NBEAL1: variants seen among roughly 807,000 people sequenced by gnomAD.
NBEAL1 encodes neurobeachin like 1, also known as neurobeachin-like protein 1.
NBEAL1 carries 273 observed loss-of-function variants against 351.3 expected under a neutral mutation model. The ratio of observed to expected loss-of-function variants is 0.78; its 90% confidence interval spans 0.70 to 0.86. NBEAL1 has a LOEUF of 0.86. Ranked by LOEUF, NBEAL1 falls within the 40% of genes least tolerant of loss-of-function variation. NBEAL1 has a pLI of 0.00. For missense variants in NBEAL1, 2,961 were observed against 3,201.3 expected (o/e 0.92, Z 1.81); for synonymous variants, 1,050 against 1,086.4 (o/e 0.97, Z 0.66).
intron 14 of NBEAL1, among the ~76,000 whole-genome samples, chr2:203,109,226 A>C (rs1408012716): frequency 1.3e-5 from 2 of 152,090 alleles, no homozygotes; most frequent in African/African-American, 4.8e-5. Context: ...GCGTGGTGGC[A>C]CATGCCTGTA....
chr2:203,207,892 G>A (rs202233584), intron 51 of NBEAL1, among the ~76,000 whole-genome samples: 1 of 152,184 alleles, frequency 6.6e-6, no homozygotes. Flanking sequence ...ATAAAAAGGT[G>A]ACTTTAAAGC....
chr2:203,138,151 T>G lies in NBEAL1; in HGVS notation c.4566-11T>G. 1 of 1,612,606 alleles carries G rather than the reference T, an allele frequency of 6.2e-7. No homozygotes were observed. Among genetic ancestry groups the G allele is most frequent in the South Asian group, 1.1e-5 (1 of 90,614 alleles). ...CACAATGGTTTTAAGAGGACTTTGT[T>G]TTCCATTTAGTTTGCTACAAAAGAT... On this transcript the variant is annotated splice_polypyrimidine_tract_variant and intron_variant, in intron 29 of 55. Transcript: ENST00000683969.
rs762024913 is a variant in NBEAL1, at chr2:203,151,541, T to TA, written c.5540dup (p.Tyr1847Ter). 1 of 1,610,962 alleles carries TA rather than the reference T, an allele frequency of 6.2e-7. No individual in the cohort carries two copies. The highest frequency in any genetic ancestry group is 1.3e-5 in the African/African-American group (1 of 74,830). ...CATGAGACTTAAGCTGGTACCGAAT[T>TA]ATAATTTCAAAACCCATGAGGAAGC... The part of the protein sequence containing the change: ...SRMRLKLVPN[Y>*]NFKTHEEASA... The change falls in exon 35 of 56, where the codon TAT (tyrosine) becomes TAAT (stop). Residue 1847 changes from tyrosine (Y) to a stop codon, truncating the protein, a stop_gained and frameshift_variant. Coordinates refer to ENST00000683969, the MANE Select transcript of NBEAL1 (RefSeq NM_001378026.1). LOFTEE classifies it high-confidence loss of function.
intron 6 of NBEAL1, among the ~76,000 whole-genome samples, chr2:203,067,520 G>A (rs1253330304): frequency 1.3e-5 from 2 of 152,096 alleles, no homozygotes; most frequent in Non-Finnish European, 2.9e-5. Context: ...ATAATTATAA[G>A]GAAAGTAATT....
intron 44 of NBEAL1, among the ~76,000 whole-genome samples, chr2:203,186,949 T>C (rs2064914928): frequency 6.6e-6 from 1 of 152,234 alleles, no homozygotes; most frequent in African/African-American, 2.4e-5. Flanking sequence ...TAAATCTTTC[T>C]GAGGTCTCAA....
intron 10 of NBEAL1, among the ~76,000 whole-genome samples, chr2:203,095,370 C>T (rs898498281): frequency 6.6e-6 from 1 of 152,006 alleles, no homozygotes; most frequent in African/African-American, 2.4e-5. Context: ...TCTCGGCTCA[C>T]CGCAACCTCC....
chr2:203,016,124 T>C, intron 1 of NBEAL1, 32 bp from the exon 2 acceptor site: 1 of 316,332 alleles, frequency 3.2e-6, no homozygotes, highest in Non-Finnish European at 5.7e-6. Flanking sequence ...TGGCCTCTTT[T>C]TCTAACCTGT....
At chr2:203,046,491 C>T (rs13385713) in intron 3 of NBEAL1, among the ~76,000 whole-genome samples, 136,703 of 152,110 alleles carry the variant, frequency 0.9, 62,024 homozygotes, top group Non-Finnish European at 0.96. Context: ...AGTACTGGGA[C>T]TACAGGCATG....
intron 15 of NBEAL1, among the ~76,000 whole-genome samples, chr2:203,111,515 C>T (rs903329677): frequency 6.6e-6 from 1 of 151,890 alleles, no homozygotes; most frequent in African/African-American, 2.4e-5. Context: ...GGATTATAGG[C>T]GCCTGCCACC....
intron 10 of NBEAL1, among the ~76,000 whole-genome samples, chr2:203,090,272 G>C (rs559787497): frequency 2.0e-4 from 31 of 152,186 alleles, no homozygotes; most frequent in African/African-American, 6.7e-4. Context: ...ATGAACTCTA[G>C]GTTTTTAGTG....
At chr2:203,113,429 T>TTC in intron 17 of NBEAL1, 111 bp downstream of exon 17, 2 of 626,964 alleles carry the variant, frequency 3.2e-6, no homozygotes, top group Non-Finnish European at 2.3e-6. Flanking sequence ...GAAGAATATA[T>TTC]TTCATGTGAA....
At chr2:203,034,587 T>G (rs546682107) in intron 2 of NBEAL1, among the ~76,000 whole-genome samples, 1 of 146,998 alleles carries the variant, frequency 6.8e-6, no homozygotes, top group Non-Finnish European at 1.5e-5. Flanking sequence ...GCCTCCCGAG[T>G]AGCTGGGATT....
intron 4 of NBEAL1, among the ~76,000 whole-genome samples, chr2:203,054,403 G>C (rs938835558): frequency 1.3e-5 from 2 of 151,116 alleles, no homozygotes; most frequent in African/African-American, 4.9e-5. Flanking sequence ...TCCAGCCTGG[G>C]TGACAGAGCA....
chr2:203,102,371 T>C (rs1305279216), intron 12 of NBEAL1, among the ~76,000 whole-genome samples: 1 of 152,158 alleles, frequency 6.6e-6, no homozygotes, highest in Non-Finnish European at 1.5e-5. Flanking sequence ...TGAGAGAGGG[T>C]ATCCCTGTCT....
At chr2:203,056,273 A>C (rs2061400006) in intron 4 of NBEAL1, among the ~76,000 whole-genome samples, 154 bp from the exon 5 acceptor site, 1 of 152,224 alleles carries the variant, frequency 6.6e-6, no homozygotes, top group Non-Finnish European at 1.5e-5. Flanking sequence ...GTTGGTGGGA[A>C]AGCAGTTATA....
rs772590386 is a variant in NBEAL1, at chr2:203,077,829, G to C, written c.676G>C (p.Gly226Arg). The change falls in exon 8 of 56, where the codon GGT becomes CGT. Residue 226 changes from glycine (G) to arginine (R), a missense_variant. By Grantham distance (125) the Gly-to-Arg change is moderately radical (BLOSUM62 -2). Coordinates refer to ENST00000683969, the MANE Select transcript of NBEAL1 (RefSeq NM_001378026.1). Reference protein sequence around the residue: ...LLHLFGAIVAGGQRNALQAIS... With the variant: ...LLHLFGAIVARGQRNALQAIS... Reference sequence around the variant, plus strand: ...GCATCTCTTTGGAGCCATTGTAGCCGGTGGGCAGGTAAGGAAAGTGTTGAA... The same window carrying C: ...GCATCTCTTTGGAGCCATTGTAGCCCGTGGGCAGGTAAGGAAAGTGTTGAA... The C allele has an allele frequency of 6.9e-7, 1 of 1,441,680 alleles. No homozygotes were observed. Among genetic ancestry groups the C allele is most frequent in the Admixed American group, 2.4e-5 (1 of 41,830 alleles). 89.3% of individuals were successfully genotyped at this position (1,441,680 alleles called of 1,614,324 possible). A position where few individuals can be genotyped will look rare whatever the true frequency, so the allele number is the denominator to read the frequency against.
intron 3 of NBEAL1, among the ~76,000 whole-genome samples, chr2:203,044,446 G>C (rs975709067): frequency 1.3e-5 from 2 of 152,098 alleles, no homozygotes; most frequent in African/African-American, 2.4e-5. Flanking sequence ...TGGAATATTA[G>C]AATGAAGACT....
At chr2:203,127,383 A>C (rs1489570810) in intron 23 of NBEAL1, among the ~76,000 whole-genome samples, 1 of 152,220 alleles carries the variant, frequency 6.6e-6, no homozygotes, top group African/African-American at 2.4e-5. Context: ...AATTACATGG[A>C]AATATTTTTT....
At position 203,206,423 on chromosome 2, in the gene NBEAL1, T is replaced by C. The variant is rs545066791; in HGVS notation, c.7507-2214T>C. On this transcript the variant is annotated intron_variant, in intron 51 of 55. Coordinates refer to ENST00000683969, the MANE Select transcript of NBEAL1 (RefSeq NM_001378026.1). Reference sequence around the variant, plus strand: ...CTCCCTCTGTCCCTTTCCCTCTCCCTCTCTCCCTCTCCCCTCTTTCCACCG... The same window carrying C: ...CTCCCTCTGTCCCTTTCCCTCTCCCCCTCTCCCTCTCCCCTCTTTCCACCG... 1.8e-4 allele frequency among the ~76,000 whole-genome samples: 28 copies of C among 152,014 alleles called. 1 individual carries two copies. In the South Asian group the frequency reaches 5.8e-3, roughly 32 times the overall value.
Sources: allele counts gnomAD v4.1 joint callset (sites outside exome capture counted in the v4.1 genomes callset), GRCh38; gene constraint gnomAD v4.1.1; transcripts MANE v1.5; gene names NCBI Gene and HGNC (gene_info 2026-07-23, HGNC 2026-07-21).